SEMA6D: variants seen among roughly 807,000 people sequenced by gnomAD.
The protein encoded by SEMA6D is semaphorin-6D.
A neutral mutation model predicts 106.6 loss-of-function variants in SEMA6D; 35 were observed. The observed-to-expected ratio is 0.33, with a 90% confidence interval of 0.25 to 0.44. The LOEUF (loss-of-function observed/expected upper bound fraction) is 0.44. SEMA6D is among the 20% of genes least tolerant of loss of function. The probability of loss-of-function intolerance (pLI) is 1.00; values close to 1 mark genes in which losing one functional copy is unlikely to be tolerated. For synonymous variants in SEMA6D, 499 were observed against 487.7 expected (o/e 1.02, Z -0.31); for missense variants, 1,185 against 1,345.9 (o/e 0.88, Z 1.87).
At chr15:47,348,369 A>G (rs1366627132) in intron 1 of SEMA6D, among the ~76,000 whole-genome samples, 3 of 152,122 alleles carry the variant, frequency 2.0e-5, no homozygotes, top group Non-Finnish European at 4.4e-5. Flanking sequence ...TAAGGATTTA[A>G]TGACTTAATA....
At chr15:47,738,280 T>A (rs982875550) in intron 1 of SEMA6D, among the ~76,000 whole-genome samples, 6 of 152,144 alleles carry the variant, frequency 3.9e-5, no homozygotes, top group African/African-American at 1.4e-4. Flanking sequence ...GTTAGTTTGC[T>A]GAGGATGATG....
At chr15:47,549,397 G>A (rs145609828) in intron 3 of SEMA6D, among the ~76,000 whole-genome samples, 12 of 152,234 alleles carry the variant, frequency 7.9e-5, no homozygotes, top group East Asian at 3.9e-4. Context: ...AGTTCCTCAC[G>A]GTAGCCTTGA....
chr15:47,663,245 T>A (rs966702637), intron 4 of SEMA6D, among the ~76,000 whole-genome samples: 1 of 152,172 alleles, frequency 6.6e-6, no homozygotes, highest in African/African-American at 2.4e-5. Flanking sequence ...CCAGGAGGAA[T>A]GTTCCAAGAA....
intron 1 of SEMA6D, among the ~76,000 whole-genome samples, chr15:47,231,545 C>T (rs767667446): frequency 2.0e-5 from 3 of 152,048 alleles, no homozygotes; most frequent in Non-Finnish European, 2.9e-5. Flanking sequence ...TTTAAATACA[C>T]ACACATATTT....
intron 1 of SEMA6D, among the ~76,000 whole-genome samples, chr15:47,301,166 G>T (rs16959224): frequency 0.033 from 5,011 of 152,228 alleles, 203 homozygotes; most frequent in African/African-American, 0.097. Context: ...TTCATTTCCC[G>T]TTTTTAGGTG....
At position 47,202,611 on chromosome 15, in the gene SEMA6D, C is replaced by T. The variant is rs565572190; in HGVS notation, c.-239+18193C>T. On this transcript the variant is annotated intron_variant, in intron 1 of 19. Transcript: ENST00000558014. ...TCAACATATAAAACCCCAAGTCAAA[C>T]GGTCAAACCATGCACTTGATCTCTC... Among the ~76,000 whole-genome samples the T allele has an allele frequency of 2.8e-3, 420 of 152,314 alleles. 1 individual carries two copies. Among genetic ancestry groups the T allele is most frequent in the African/African-American group, 9.6e-3 (398 of 41,576 alleles).
intron 4 of SEMA6D, among the ~76,000 whole-genome samples, chr15:47,664,391 A>T (rs1053897806): frequency 4.6e-5 from 7 of 152,218 alleles, no homozygotes; most frequent in Non-Finnish European, 8.8e-5. Flanking sequence ...CATTCTAGGT[A>T]ATGATGATTC....
At chr15:47,675,573 A>G (rs1187386183) in intron 4 of SEMA6D, among the ~76,000 whole-genome samples, 3 of 152,202 alleles carry the variant, frequency 2.0e-5, no homozygotes, top group African/African-American at 4.8e-5. Flanking sequence ...GTATTTTGCT[A>G]TGGTAGACTT....
intron 1 of SEMA6D, among the ~76,000 whole-genome samples, chr15:47,247,444 G>A (rs557791328): frequency 6.6e-6 from 1 of 152,028 alleles, no homozygotes; most frequent in East Asian, 1.9e-4. Context: ...AAAAAAAACT[G>A]TCATCCATTA....
chr15:47,674,651 C>T (rs375014323), intron 4 of SEMA6D, among the ~76,000 whole-genome samples: 1 of 152,042 alleles, frequency 6.6e-6, no homozygotes, highest in Non-Finnish European at 1.5e-5. Context: ...CCTTTTAAAC[C>T]GAAAGGCTAA....
chr15:47,352,746 G>A (rs1359315607), intron 1 of SEMA6D, among the ~76,000 whole-genome samples: 1 of 152,138 alleles, frequency 6.6e-6, no homozygotes, highest in East Asian at 1.9e-4. Flanking sequence ...GTAGTTTTGA[G>A]GGTCGAATTG....
intron 1 of SEMA6D, among the ~76,000 whole-genome samples, chr15:47,732,258 G>A (rs1383847171): frequency 6.6e-6 from 1 of 152,298 alleles, no homozygotes; most frequent in Middle Eastern, 3.4e-3. Context: ...GTTGCTCCAA[G>A]GTTGGTTAAT....
At chr15:47,361,231 C>T (rs935021782) in intron 1 of SEMA6D, among the ~76,000 whole-genome samples, 4 of 152,132 alleles carry the variant, frequency 2.6e-5, no homozygotes, top group African/African-American at 9.7e-5. Flanking sequence ...CTCTCTTTTT[C>T]TGTGACAGCC....
intron 3 of SEMA6D, among the ~76,000 whole-genome samples, chr15:47,508,933 A>G (rs1350199280): frequency 6.6e-6 from 1 of 152,186 alleles, no homozygotes; most frequent in Non-Finnish European, 1.5e-5. Flanking sequence ...GCCTGGCACT[A>G]TATTTCTGCT....
rs573108453 is a variant in SEMA6D, at chr15:47,441,743, A to G, written c.-158-28731A>G. ...AATGTGTTTCCAACCATAATATTGT[A>G]TGAATATCTGTTAATATGAAGCCAT... On this transcript the variant is annotated intron_variant, in intron 2 of 19. Transcript: ENST00000558014. Among the ~76,000 whole-genome samples the G allele has an allele frequency of 3.9e-5, 6 of 152,216 alleles. No individual in the cohort carries two copies. In the South Asian group the frequency reaches 8.3e-4, roughly 21 times the overall value.
chr15:47,439,229 A>G (rs1308728255), intron 2 of SEMA6D, among the ~76,000 whole-genome samples: 1 of 152,152 alleles, frequency 6.6e-6, no homozygotes, highest in Non-Finnish European at 1.5e-5. Flanking sequence ...TATTTTTGTA[A>G]CCAAACAATA....
At chr15:47,458,027 A>T (rs1027877185) in intron 2 of SEMA6D, among the ~76,000 whole-genome samples, 2 of 151,976 alleles carry the variant, frequency 1.3e-5, no homozygotes, top group African/African-American at 4.8e-5. Context: ...TAAAATTTTC[A>T]ACCAAGAATT....
intron 1 of SEMA6D, among the ~76,000 whole-genome samples, chr15:47,397,242 T>G (rs571001243): frequency 1.3e-5 from 2 of 152,306 alleles, no homozygotes; most frequent in South Asian, 4.1e-4. Flanking sequence ...AGTATGTGGG[T>G]TCTGTGCTCA....
At chr15:47,734,596 T>C (rs1020010263) in intron 1 of SEMA6D, among the ~76,000 whole-genome samples, 1 of 152,196 alleles carries the variant, frequency 6.6e-6, no homozygotes, top group Non-Finnish European at 1.5e-5. Context: ...GTCTTGAGTT[T>C]CCACTGTGTC....
Sources: gnomAD v4.1 joint callset for allele counts (sites outside exome capture counted in the v4.1 genomes callset) on GRCh38, gnomAD v4.1.1 for gene constraint, MANE v1.5 for transcripts, NCBI Gene and HGNC (gene_info 2026-07-23, HGNC 2026-07-21) for gene names.